The following CAMK1D variants were observed in gnomAD, a reference collection of about 807,000 sequenced individuals.
CAMK1D encodes calcium/calmodulin dependent protein kinase ID.
CAMK1D carries 9 observed loss-of-function variants against 47.7 expected under a neutral mutation model. The ratio of observed to expected loss-of-function variants is 0.19; its 90% CI spans 0.11 to 0.33. The LOEUF (loss-of-function observed/expected upper bound fraction) is 0.33. Ranked by LOEUF, CAMK1D falls within the 10% of genes least tolerant of loss-of-function variation. The pLI is 1.00. For synonymous variants in CAMK1D, 184 were observed against 184.9 expected, an observed-to-expected ratio of 0.99 and a Z score of 0.04; for missense variants, 291 against 488.7, an observed-to-expected ratio of 0.60 and a Z score of 3.81.
At chr10:12,574,468 A>ATTTTTTTTT (rs1171556305) in intron 2 of CAMK1D, among the ~76,000 whole-genome samples, 2 of 61,376 alleles carry the variant, frequency 3.3e-5, no homozygotes, top group African/African-American at 7.4e-5. Context: ...CGCCTAGCTA[A>ATTTTTTTTT]TTTTTTTTTT....
intron 1 of CAMK1D, among the ~76,000 whole-genome samples, chr10:12,356,257 G>A (rs1837512762): frequency 1.3e-5 from 2 of 152,188 alleles, no homozygotes; most frequent in African/African-American, 4.8e-5. Context: ...AATTGCTGGT[G>A]GACTGGATGT....
intron 8 of CAMK1D, 126 bp from the exon 9 acceptor site, chr10:12,824,339 C>T (rs1269359617): frequency 3.3e-5 from 24 of 735,652 alleles, no homozygotes; most frequent in African/African-American, 5.3e-5. Context: ...GGAAGGGCAG[C>T]GGCCAGCCAC....
At chr10:12,554,044 C>T (rs1836678612) in intron 2 of CAMK1D, among the ~76,000 whole-genome samples, 1 of 152,028 alleles carries the variant, frequency 6.6e-6, no homozygotes, top group Non-Finnish European at 1.5e-5. Flanking sequence ...CTTACCTCCT[C>T]ATTGAGTTTT....
chr10:12,835,051 T>C lies in CAMK1D; in HGVS notation c.*6164T>C, dbSNP rs961927044. ...GCGACATTGCATGCAGCAGAGTCTTTGCTTCGAAAGATGGGGCGCCATGTT... is the reference window on the plus strand; with the variant it reads ...GCGACATTGCATGCAGCAGAGTCTTCGCTTCGAAAGATGGGGCGCCATGTT... On this transcript the variant is annotated 3_prime_UTR_variant, in exon 11 of 11. Transcript: ENST00000619168. The C allele has an allele frequency of 6.6e-6, 1 of 152,246 alleles. No homozygotes were observed. The highest frequency in any genetic ancestry group is 1.5e-5 in the Non-Finnish European group (1 of 68,050). 9.4% of individuals were successfully genotyped at this position (152,246 alleles called of 1,614,324 possible). A position where few individuals can be genotyped will look rare whatever the true frequency, so the allele number is the denominator to read the frequency against.
intron 3 of CAMK1D, among the ~76,000 whole-genome samples, chr10:12,685,869 G>A (rs535746493): frequency 1.3e-5 from 2 of 152,156 alleles, no homozygotes; most frequent in South Asian, 2.1e-4. Context: ...AAGTTGTGCC[G>A]GAGATTATGA....
At position 12,469,575 on chromosome 10, in the gene CAMK1D, A is replaced by G. The variant is rs114559270; in HGVS notation, c.93-83650A>G. ...GGAATGACTAATTCATAAACACATAACTACACAACTACAGCTTATGATGTG... is the reference window on the plus strand; with the variant it reads ...GGAATGACTAATTCATAAACACATAGCTACACAACTACAGCTTATGATGTG... On this transcript the variant is annotated intron_variant, in intron 1 of 10. Transcript: ENST00000619168. 7.6e-3 allele frequency among the ~76,000 whole-genome samples: 1,155 copies of G among 152,246 alleles called. 14 individuals are homozygous for G. Among genetic ancestry groups the G allele is most frequent in the African/African-American group, 0.026 (1,099 of 41,546 alleles).
At chr10:12,506,520 T>C (rs1255314247) in intron 1 of CAMK1D, among the ~76,000 whole-genome samples, 1 of 151,756 alleles carries the variant, frequency 6.6e-6, no homozygotes, top group East Asian at 2.0e-4. Context: ...CTTTCTCTCT[T>C]TCTTTTTTTT....
At chr10:12,427,725 T>TG (rs1840298311) in intron 1 of CAMK1D, among the ~76,000 whole-genome samples, 2 of 135,820 alleles carry the variant, frequency 1.5e-5, no homozygotes, top group African/African-American at 5.6e-5. Context: ...TTTTTTTTTT[T>TG]GAGACGGAGT....
At chr10:12,395,065 ATT>A (rs5783265) in intron 1 of CAMK1D, among the ~76,000 whole-genome samples, 1,569 of 94,756 alleles carry the variant, frequency 0.017, 10 homozygotes, top group East Asian at 0.067. Flanking sequence ...TAAAATTTTA[ATT>A]TTTTTTTTTT....
intron 1 of CAMK1D, among the ~76,000 whole-genome samples, chr10:12,386,343 A>AGGAGGATTGCTTGAAGCCCAGAGGT (rs1286962954): frequency 1.3e-5 from 2 of 152,096 alleles, no homozygotes; most frequent in Admixed American, 1.3e-4. Flanking sequence ...GGAGACCAAT[A>AGGAGGATTGCTTGAAGCCCAGAGGT]GGAGGATTGC....
chr10:12,559,674 A>C (rs958873829), intron 2 of CAMK1D, among the ~76,000 whole-genome samples: 2 of 152,164 alleles, frequency 1.3e-5, no homozygotes, highest in African/African-American at 4.8e-5. Context: ...ACTTGAGTCC[A>C]TCATCCCATC....
chr10:12,597,764 T>C (rs1294966947), intron 2 of CAMK1D, among the ~76,000 whole-genome samples: 3 of 152,218 alleles, frequency 2.0e-5, no homozygotes, highest in Non-Finnish European at 4.4e-5. Context: ...TACCATCAGC[T>C]GTTCCCTCTA....
intron 1 of CAMK1D, among the ~76,000 whole-genome samples, chr10:12,456,935 CAT>C (rs1833266642): frequency 1.3e-5 from 2 of 152,174 alleles, no homozygotes; most frequent in Non-Finnish European, 2.9e-5. Flanking sequence ...TACACCCCCA[CAT>C]GTGATGAAAT....
At chr10:12,540,622 C>T (rs184979092) in intron 1 of CAMK1D, among the ~76,000 whole-genome samples, 2 of 152,316 alleles carry the variant, frequency 1.3e-5, no homozygotes, top group Admixed American at 6.5e-5. Flanking sequence ...TAGACCTGCC[C>T]TGGTGGTTTC....
intron 1 of CAMK1D, among the ~76,000 whole-genome samples, chr10:12,428,706 C>A (rs10906147): frequency 0.68 from 103,990 of 152,080 alleles, 37,607 homozygotes; most frequent in Non-Finnish European, 0.81. Flanking sequence ...TGTTAGGAGC[C>A]GAAAGCTTGT....
intron 1 of CAMK1D, among the ~76,000 whole-genome samples, chr10:12,386,853 C>A (rs1838511406): frequency 6.6e-6 from 1 of 152,068 alleles, no homozygotes; most frequent in African/African-American, 2.4e-5. Flanking sequence ...AATTCACATA[C>A]AATATAATGT....
chr10:12,437,286 G>A (rs1564339687), intron 1 of CAMK1D, among the ~76,000 whole-genome samples: 1 of 152,050 alleles, frequency 6.6e-6, no homozygotes, highest in Non-Finnish European at 1.5e-5. Context: ...CCGCCTCCTG[G>A]GTTCAAGAGA....
chr10:12,627,616 G>A (rs1397619486), intron 2 of CAMK1D, among the ~76,000 whole-genome samples: 1 of 152,010 alleles, frequency 6.6e-6, no homozygotes, highest in Non-Finnish European at 1.5e-5. Context: ...GTCTGTTCTA[G>A]ACTTCATGTA....
chr10:12,697,482 T>C (rs1833343375), intron 3 of CAMK1D, among the ~76,000 whole-genome samples: 2 of 152,194 alleles, frequency 1.3e-5, no homozygotes, highest in African/African-American at 4.8e-5. Flanking sequence ...CACTGCAACC[T>C]CCGCCTTCCC....
Sources: allele counts gnomAD v4.1 joint callset (sites outside exome capture counted in the v4.1 genomes callset), GRCh38; gene constraint gnomAD v4.1.1; transcripts MANE v1.5; gene names NCBI Gene and HGNC (gene_info 2026-07-23, HGNC 2026-07-21).